COL2A1: variants seen among roughly 807,000 people sequenced by gnomAD.
COL2A1 encodes collagen type II alpha 1 chain, also known as collagen alpha-1(II) chain.
A neutral mutation model predicts 204.5 loss-of-function variants in COL2A1; 28 were observed. That is an observed-to-expected ratio of 0.14 (90% CI 0.10 to 0.19). The LOEUF (loss-of-function observed/expected upper bound fraction) is 0.19. Among genes scored for constraint, COL2A1 ranks in the 10% least tolerant of loss-of-function variants. COL2A1 has a pLI of 1.00. For synonymous variants in COL2A1, 708 were observed against 718.7 expected, an observed-to-expected ratio of 0.99 and a Z score of 0.24; for missense variants, 1,388 against 2,027.5, an observed-to-expected ratio of 0.68 and a Z score of 6.06.
At chr12:47,981,264 G>A (rs912198796) in intron 37 of COL2A1, 79 bp downstream of exon 37, 4 of 1,475,932 alleles carry the variant, frequency 2.7e-6, no homozygotes, top group Non-Finnish European at 3.7e-6. Flanking sequence ...CAGGCAGCAT[G>A]AGGGCCTGCA....
At position 47,976,952 on chromosome 12, in the gene COL2A1, T is replaced by A. The variant is rs755121686; in HGVS notation, c.3328-33A>T. 3 of 1,570,374 alleles carry A rather than the reference T, an allele frequency of 1.9e-6. No homozygotes were observed. The highest frequency in any genetic ancestry group is 2.6e-6 in the Non-Finnish European group (3 of 1,152,778). Reference sequence around the variant, plus strand: ...CAAGACAGACACCGATTGAGTCAGGTCAGGGCCAGGACAGGAGCCCCCTCC... The same window carrying A: ...CAAGACAGACACCGATTGAGTCAGGACAGGGCCAGGACAGGAGCCCCCTCC... On this transcript the variant is annotated intron_variant, in intron 47 of 53. Transcript: ENST00000380518. The surrounding 1 kb of genome is among the most constrained non-coding windows in gnomAD (Gnocchi z 4.3).
rs59984649 is a variant in COL2A1 at position 47,978,800 on chromosome 12, TTCC to T, written c.2734-45_2734-43del. ...CGGGAAGTGAGGACTCATCTCACCC[TTCC>T]TCATCCAGGCTGCCAAAGTCACTGT... is the stretch of plus-strand genomic sequence containing the variant. On this transcript the variant is annotated intron_variant, in intron 41 of 53. Transcript: ENST00000380518. The surrounding 1 kb of genome is among the most constrained non-coding windows in gnomAD (Gnocchi z 5.5). 0.024 allele frequency: 38,918 copies of T among 1,607,566 alleles called. 3,608 individuals are homozygous for T. The African/African-American group carries it at 0.28, about 12-fold the overall frequency.
In COL2A1 at chr12:47,996,018, G is replaced by A. The variant is rs1939944348; in HGVS notation, c.610-99C>T. On this transcript the variant is annotated intron_variant, in intron 8 of 53. Coordinates refer to ENST00000380518, the MANE Select transcript of COL2A1 (RefSeq NM_001844.5). ...AGCCAACAGCCCGGGCAAAGGACAA[G>A]AAGTTACTCTGTGGGCAAGGGGCCT... 6.2e-6 allele frequency: 6 copies of A among 971,572 alleles called. No individual in the cohort carries two copies. In the East Asian group the frequency reaches 1.4e-4, roughly 23 times the overall value. 60.2% of individuals were successfully genotyped at this position (971,572 alleles called of 1,614,324 possible).
In COL2A1 at chr12:47,973,214, T is replaced by G; in HGVS notation, c.*193A>C. On this transcript the variant is annotated 3_prime_UTR_variant, in exon 54 of 54. Coordinates refer to ENST00000380518, the MANE Select transcript of COL2A1 (RefSeq NM_001844.5). Reference sequence around the variant, plus strand: ...ACAATAAATAAATAGAACACCGAGATTTTATTTTGCAGTCTGCCCAGTTCA... The same window carrying G: ...ACAATAAATAAATAGAACACCGAGAGTTTATTTTGCAGTCTGCCCAGTTCA... 1 of 706,112 alleles carries G rather than the reference T, an allele frequency of 1.4e-6. No homozygotes were observed. Among genetic ancestry groups the G allele is most frequent in the Non-Finnish European group, 2.5e-6 (1 of 397,788 alleles). The allele number at this position is 706,112 out of a possible 1,614,324, so 43.7% of individuals were successfully genotyped here.
rs1467565256 is a variant in COL2A1, at chr12:47,980,183, A to G, written c.2626-121T>C. ...AGATGCAGCTTTCTTGGCACTAAAA[A>G]CCCAGCCTGAAGAGGCTGCCACAGG... On this transcript the variant is annotated intron_variant, in intron 39 of 53. Transcript: ENST00000380518. This position sits in a 1 kb window ranked among gnomAD's most constrained non-coding sequence, Gnocchi z 4.5. 1.1e-6 allele frequency: 1 copy of G among 910,686 alleles called. No homozygotes were observed. The highest frequency in any genetic ancestry group is 1.7e-5 in the African/African-American group (1 of 60,428). 56.4% of individuals were successfully genotyped at this position (910,686 alleles called of 1,614,324 possible).
chr12:48,004,344 A>G lies in COL2A1; in HGVS notation c.-23T>C. 1 of 1,485,920 alleles carries G rather than the reference A, an allele frequency of 6.7e-7. No individual in the cohort carries two copies. The highest frequency in any genetic ancestry group is 1.4e-5 in the African/African-American group (1 of 71,826). The allele number at this position is 1,485,920 out of a possible 1,614,324, so 92.0% of individuals were successfully genotyped here. On this transcript the variant is annotated 5_prime_UTR_variant, in exon 1 of 54. Transcript: ENST00000380518. ...CATGGCTCACCGCGGGGCCTGGCTG[A>G]GCCGGGCCCGGGCGGAGCGCAGCGA...
chr12:47,987,045 C>T lies in COL2A1; in HGVS notation c.1365+33G>A, dbSNP rs1338228209. Reference sequence around the variant, plus strand: ...TGATGGGGTTTGACTCCAGAGATGTCAGTGGAACTTGGGGGTCACTTTGGG... The same window carrying T: ...TGATGGGGTTTGACTCCAGAGATGTTAGTGGAACTTGGGGGTCACTTTGGG... On this transcript the variant is annotated intron_variant, in intron 21 of 53. Transcript: ENST00000380518. The surrounding 1 kb of genome is among the most constrained non-coding windows in gnomAD (Gnocchi z 4.1). The T allele has an allele frequency of 1.9e-6, 3 of 1,602,034 alleles. No homozygotes were observed. Among genetic ancestry groups the T allele is most frequent in the Admixed American group, 1.7e-5 (1 of 59,970 alleles).
intron 16 of COL2A1, 63 bp from the exon 17 acceptor site, chr12:47,989,868 G>T: frequency 6.6e-7 from 1 of 1,505,374 alleles, no homozygotes; most frequent in South Asian, 1.1e-5. Context: ...CCTGCTCCCA[G>T]CCCACCCTTA....
intron 1 of COL2A1, among the ~76,000 whole-genome samples, chr12:48,001,619 C>A (rs1359017053): frequency 6.6e-6 from 1 of 152,144 alleles, no homozygotes; most frequent in African/African-American, 2.4e-5. Context: ...AAGGGCGGCC[C>A]GGGAAGCGCC....
rs779541449 is a variant in COL2A1, at chr12:47,982,619, G to A, written c.2194-10C>T. ...CTGGGCCAGATGCACCCTGGGGAGG[G>A]AGGTAAGAGGGAGTCTGTAGTGGAC... On this transcript the variant is annotated splice_polypyrimidine_tract_variant and intron_variant, in intron 33 of 53. Coordinates refer to ENST00000380518, the MANE Select transcript of COL2A1 (RefSeq NM_001844.5). The A allele has an allele frequency of 5.8e-5, 93 of 1,594,078 alleles. No homozygotes were observed. The highest frequency in any genetic ancestry group is 8.4e-5 in the Admixed American group (5 of 59,592).
In COL2A1 at chr12:47,982,192, A is replaced by G. The variant is rs2276456; in HGVS notation, c.2302-32T>C. ...GAAGAGAAAACCAGCCGCCTCAGCC[A>G]GGCACCCCAGGACCCCCATGGTTTG... On this transcript the variant is annotated intron_variant, in intron 34 of 53. Coordinates refer to ENST00000380518, the MANE Select transcript of COL2A1 (RefSeq NM_001844.5). 0.39 allele frequency: 624,501 copies of G among 1,600,264 alleles called. 125,601 individuals carry two copies. Among genetic ancestry groups the G allele is most frequent in the East Asian group, 0.57 (25,523 of 44,740 alleles).
At chr12:47,989,200 G>C in intron 18 of COL2A1, 28 bp downstream of exon 18, 1 of 1,599,922 alleles carries the variant, frequency 6.3e-7, no homozygotes, top group Non-Finnish European at 8.5e-7. Flanking sequence ...GCACCCAGAA[G>C]TTCCTGACTG....
chr12:47,999,845 G>A, intron 2 of COL2A1, 74 bp downstream of exon 2: 1 of 1,334,560 alleles, frequency 7.5e-7, no homozygotes, highest in East Asian at 2.3e-5. Flanking sequence ...GAGACGACCA[G>A]CATCTATGGG....
rs535153980 is a variant in COL2A1 at position 47,973,141 on chromosome 12, A to T, written c.*266T>A. Reference sequence around the variant, plus strand: ...GTCACTCAGGGGGCATTTGACTCACACCAGTTAGTTTCCTGCCTCTGCCTT... The same window carrying T: ...GTCACTCAGGGGGCATTTGACTCACTCCAGTTAGTTTCCTGCCTCTGCCTT... On this transcript the variant is annotated 3_prime_UTR_variant, in exon 54 of 54. Coordinates refer to ENST00000380518, the MANE Select transcript of COL2A1 (RefSeq NM_001844.5). The T allele has an allele frequency of 1.6e-6, 1 of 615,156 alleles. No homozygotes were observed. Among genetic ancestry groups the T allele is most frequent in the Non-Finnish European group, 2.9e-6 (1 of 345,562 alleles). 38.1% of individuals were successfully genotyped at this position (615,156 alleles called of 1,614,324 possible). A position where few individuals can be genotyped will look rare whatever the true frequency, so the allele number is the denominator to read the frequency against.
intron 16 of COL2A1, among the ~76,000 whole-genome samples, chr12:47,990,904 G>C (rs146313071): frequency 4.6e-5 from 7 of 152,264 alleles, no homozygotes; most frequent in African/African-American, 1.7e-4. Context: ...GGTCAGGGGG[G>C]TACCTTTTCC....
At position 47,978,823 on chromosome 12, in the gene COL2A1, C is replaced by T. The variant is rs1938879884; in HGVS notation, c.2734-65G>A. ...CCTTCCTCATCCAGGCTGCCAAAGT[C>T]ACTGTGGCCTCAGTGACAGCAGTTT... On this transcript the variant is annotated intron_variant, in intron 41 of 53. Transcript: ENST00000380518. The surrounding 1 kb of genome is among the most constrained non-coding windows in gnomAD (Gnocchi z 5.5). 1 of 1,567,064 alleles carries T rather than the reference C, an allele frequency of 6.4e-7. No individual in the cohort carries two copies.
chr12:47,982,245 G>T, intron 34 of COL2A1, 85 bp from the exon 35 acceptor site: 1 of 1,261,720 alleles, frequency 7.9e-7, no homozygotes, highest in Non-Finnish European at 1.2e-6. Context: ...TGGGGTGCTA[G>T]GGAAAGCCCA....
intron 37 of COL2A1, 116 bp downstream of exon 37, chr12:47,981,227 C>G (rs1036701563): frequency 8.5e-7 from 1 of 1,175,040 alleles, no homozygotes; most frequent in Non-Finnish European, 1.2e-6. Context: ...AGGGAGGGAG[C>G]CAGTGCCTGG....
At position 47,982,505 on chromosome 12, in the gene COL2A1, G is replaced by T. The variant is rs1264631701; in HGVS notation, c.2298C>A (p.Asp766Glu). Residue 766 changes from aspartate to glutamate, a missense_variant, in exon 34 of 54, where the codon GAC (aspartate) becomes GAA (glutamate). Physicochemically the swap from Asp to Glu is conservative, Grantham distance 45 (BLOSUM62 2). This residue lies in a region of COL2A1 where 884 missense variants were observed against 1,415.8 expected (regional missense o/e 0.62). Transcript: ENST00000380518. The part of the protein sequence containing the change: ...GAAGIAGPKG[D>E]RGDVGEKGPE... ...AGGCTGTAACCTCAGTACTTACCCT[G>T]TCGCCTTTGGGCCCAGCGATACCAG... 5.6e-6 allele frequency: 9 copies of T among 1,612,480 alleles called. No homozygotes were observed. The highest frequency in any genetic ancestry group is 7.6e-6 in the Non-Finnish European group (9 of 1,178,780).
Sources: allele counts gnomAD v4.1 joint callset (sites outside exome capture counted in the v4.1 genomes callset), GRCh38; gene constraint gnomAD v4.1.1; regional missense constraint gnomAD v4.1.1; non-coding constraint Gnocchi (gnomAD v3.1); transcripts MANE v1.5; gene names NCBI Gene and HGNC (gene_info 2026-07-23, HGNC 2026-07-21).